Variants in SMAD6 observed in about 807,000 individuals in gnomAD.
The protein encoded by SMAD6 is SMAD family member 6, also known as MAD homolog 6.
A neutral mutation model predicts 39.4 loss-of-function variants in SMAD6; 103 were observed. The observed-to-expected ratio is 2.62, with a 90% confidence interval of 2.23 to 3.08. The LOEUF (loss-of-function observed/expected upper bound fraction) is 3.08. Among genes scored for constraint, SMAD6 ranks in the 30% most tolerant of loss-of-function variants. SMAD6 has a pLI of 0.00. For synonymous variants in SMAD6, 445 were observed against 353.3 expected (o/e 1.26, Z -2.91); for missense variants, 1,104 against 742.9 (o/e 1.49, Z -5.65).
At chr15:66,733,809 A>G (rs936755641) in intron 3 of SMAD6, among the ~76,000 whole-genome samples, 2 of 152,182 alleles carry the variant, frequency 1.3e-5, no homozygotes, top group Admixed American at 6.5e-5. Flanking sequence ...ATGGAAGGCA[A>G]TGGAGAAAAC....
Position 66,703,279 on chromosome 15 carries a change from G to A in SMAD6, c.21G>A (p.Ser7=), listed in dbSNP as rs2140580360. Residue 7 remains serine (S), a synonymous_variant, in exon 1 of 4, where the codon TCG becomes TCA. Transcript: ENST00000288840. MFRSKR[S]GLVRRLWRSR... ...ATCGTATGTTCAGGTCCAAACGCTC[G>A]GGGCTGGTGCGGCGACTTTGGCGAA... is the stretch of plus-strand genomic sequence containing the variant. 2.7e-6 allele frequency: 4 copies of A among 1,486,342 alleles called. No individual in the cohort carries two copies. The highest frequency in any genetic ancestry group is 3.6e-6 in the Non-Finnish European group (4 of 1,118,014). 92.1% of individuals were successfully genotyped at this position (1,486,342 alleles called of 1,614,324 possible). A position where few individuals can be genotyped will look rare whatever the true frequency, so the allele number is the denominator to read the frequency against.
chr15:66,752,151 T>C (rs1894018250), intron 3 of SMAD6, among the ~76,000 whole-genome samples: 1 of 151,704 alleles, frequency 6.6e-6, no homozygotes, highest in Non-Finnish European at 1.5e-5. Context: ...GCTGAAGTCA[T>C]TGAGGCCTAG....
At chr15:66,761,052 C>T (rs539956269) in intron 3 of SMAD6, among the ~76,000 whole-genome samples, 4 of 152,296 alleles carry the variant, frequency 2.6e-5, no homozygotes, top group Admixed American at 1.3e-4. Flanking sequence ...GACACGAGGG[C>T]AGGAGAAACA....
rs78231452 is a variant in SMAD6, at chr15:66,742,973, C to A, written c.952+26475C>A. On this transcript the variant is annotated intron_variant, in intron 3 of 3. Transcript: ENST00000288840. Reference sequence around the variant, plus strand: ...AGAACAGCTGCCCTTCCACAGTTAGCATGTGGTGGTGGTCCGTGCCCTGAC... The same window carrying A: ...AGAACAGCTGCCCTTCCACAGTTAGAATGTGGTGGTGGTCCGTGCCCTGAC... Among the ~76,000 whole-genome samples, 1,138 of 152,236 alleles carry A rather than the reference C, an allele frequency of 7.5e-3. 24 individuals carry two copies. The East Asian group carries it at 0.076, about 10-fold the overall frequency.
intron 3 of SMAD6, among the ~76,000 whole-genome samples, chr15:66,730,286 C>A (rs555617267): frequency 1.6e-4 from 24 of 152,254 alleles, no homozygotes; most frequent in Admixed American, 1.4e-3. Context: ...CTCTTTCTGA[C>A]AGCTTCTTTT....
chr15:66,742,927 C>T (rs947177479), intron 3 of SMAD6, among the ~76,000 whole-genome samples: 9 of 152,188 alleles, frequency 5.9e-5, no homozygotes, highest in African/African-American at 2.2e-4. Context: ...CTAGAGTCCC[C>T]CACCTGGAGT....
At chr15:66,769,141 A>T (rs1261198702) in intron 3 of SMAD6, among the ~76,000 whole-genome samples, 2 of 151,806 alleles carry the variant, frequency 1.3e-5, no homozygotes, top group Non-Finnish European at 2.9e-5. Flanking sequence ...CTTCTCGAAA[A>T]CCCCTTAACC....
At chr15:66,722,549 G>C (rs893903) in intron 3 of SMAD6, among the ~76,000 whole-genome samples, 113,370 of 152,124 alleles carry the variant, frequency 0.75, 42,387 homozygotes, top group East Asian at 0.95. Context: ...GATACCAATT[G>C]TGGCCAGCAC....
In SMAD6 at chr15:66,739,832, G is replaced by A. The variant is rs565661040; in HGVS notation, c.952+23334G>A. Among the ~76,000 whole-genome samples, 3 of 152,190 alleles carry A rather than the reference G, an allele frequency of 2.0e-5. No homozygotes were observed. The East Asian group carries it at 5.8e-4, about 29-fold the overall frequency. On this transcript the variant is annotated intron_variant, in intron 3 of 3. Coordinates refer to ENST00000288840, the MANE Select transcript of SMAD6 (RefSeq NM_005585.5). ...TTTAATTAGTTTTTTTAAGAGATGG[G>A]CCTCGCTTTGTTGCCCAGGGTAGCC...
At chr15:66,773,855 C>T (rs764904001) in intron 3 of SMAD6, among the ~76,000 whole-genome samples, 1 of 152,186 alleles carries the variant, frequency 6.6e-6, no homozygotes, top group Non-Finnish European at 1.5e-5. Flanking sequence ...CTCTTCTTCG[C>T]TCTTGGTAGG....
At chr15:66,768,617 C>T (rs1894329634) in intron 3 of SMAD6, among the ~76,000 whole-genome samples, 1 of 152,186 alleles carries the variant, frequency 6.6e-6, no homozygotes, top group Admixed American at 6.5e-5. Context: ...ATTCTGTTAA[C>T]CAGGCTGCAT....
rs1567094977 is a variant in SMAD6, at chr15:66,711,706, GACGAGT to G, written c.859_864del (p.Glu287_Tyr288del). 1 of 1,613,330 alleles carries G rather than the reference GACGAGT, an allele frequency of 6.2e-7. No homozygotes were observed. Among genetic ancestry groups the G allele is most frequent in the South Asian group, 1.1e-5 (1 of 91,078 alleles). On this transcript the variant is annotated inframe_deletion, in exon 2 of 4. Transcript: ENST00000288840. ...TCCCTACTCTCGGCTGTCTCCTCGCGACGAGTACAAGCCACTGGGTAAGTGTGCCCT... is the reference window on the plus strand; with the variant it reads ...TCCCTACTCTCGGCTGTCTCCTCGCGACAAGCCACTGGGTAAGTGTGCCCT...
chr15:66,711,365 G>C (rs1025220046), intron 1 of SMAD6, among the ~76,000 whole-genome samples: 1 of 152,138 alleles, frequency 6.6e-6, no homozygotes, highest in Non-Finnish European at 1.5e-5. Flanking sequence ...CAGCAAACCT[G>C]GGAGGTCTAG....
chr15:66,744,192 C>T (rs564306622), intron 3 of SMAD6, among the ~76,000 whole-genome samples: 1 of 152,252 alleles, frequency 6.6e-6, no homozygotes, highest in East Asian at 1.9e-4. Context: ...TTCCAAACCA[C>T]GAGCCCAGAA....
At chr15:66,705,625 C>T (rs1893095330) in intron 1 of SMAD6, 1 of 151,968 alleles carries the variant, frequency 6.6e-6, no homozygotes, top group Non-Finnish European at 1.5e-5. Context: ...CAGGTGTATT[C>T]TCTTTCGCCA....
intron 3 of SMAD6, among the ~76,000 whole-genome samples, chr15:66,749,688 C>T (rs1027875781): frequency 6.6e-6 from 1 of 152,152 alleles, no homozygotes; most frequent in Non-Finnish European, 1.5e-5. Flanking sequence ...GGGGCAGAGA[C>T]ACAGCGATCA....
intron 3 of SMAD6, among the ~76,000 whole-genome samples, chr15:66,765,680 CAA>C (rs1365784969): frequency 1.3e-5 from 2 of 152,182 alleles, no homozygotes; most frequent in African/African-American, 4.8e-5. Context: ...ATTTCACAGA[CAA>C]GAGAAACCGA....
At chr15:66,708,492 A>G (rs1893163975) in intron 1 of SMAD6, among the ~76,000 whole-genome samples, 1 of 152,256 alleles carries the variant, frequency 6.6e-6, no homozygotes, top group Admixed American at 6.5e-5. Context: ...CACATTATTC[A>G]TAACAGCCAA....
At chr15:66,722,006 A>G (rs1893442635) in intron 3 of SMAD6, among the ~76,000 whole-genome samples, 1 of 152,190 alleles carries the variant, frequency 6.6e-6, no homozygotes, top group South Asian at 2.1e-4. Context: ...TGGAGGTGTG[A>G]AAAGAACTTG....
Sources: gnomAD v4.1 joint callset for allele counts (sites outside exome capture counted in the v4.1 genomes callset) on GRCh38, gnomAD v4.1.1 for gene constraint, MANE v1.5 for transcripts, NCBI Gene and HGNC (gene_info 2026-07-23, HGNC 2026-07-21) for gene names.